WRN: variants seen among roughly 807,000 people sequenced by gnomAD.
The protein encoded by WRN is bifunctional 3'-5' exonuclease/ATP-dependent helicase WRN.
In WRN, 149 loss-of-function variants were observed where a neutral mutation model predicts 180.7. The ratio of observed to expected loss-of-function variants is 0.82; its 90% CI spans 0.72 to 0.94. The LOEUF (loss-of-function observed/expected upper bound fraction) is 0.94. Among genes scored for constraint, WRN ranks in the 40% least tolerant of loss-of-function variants. The probability of loss-of-function intolerance (pLI) is 0.00; values close to 1 mark genes in which losing one functional copy is unlikely to be tolerated. For synonymous variants in WRN, 548 were observed against 568.9 expected, an observed-to-expected ratio of 0.96 and a Z score of 0.52; for missense variants, 1,661 against 1,700.1, an observed-to-expected ratio of 0.98 and a Z score of 0.40.
At chr8:31,096,631 C>A in intron 16 of WRN, 137 bp from the exon 17 acceptor site, 1 of 711,658 alleles carries the variant, frequency 1.4e-6, no homozygotes, top group Non-Finnish European at 2.3e-6. Flanking sequence ...ATTTTCGTGA[C>A]ATAAAGTATT....
At position 31,059,182 on chromosome 8, in the gene WRN, TG is replaced by T; in HGVS notation, c.127del (p.Asp43ThrfsTer5). On this transcript the variant is annotated frameshift_variant, in exon 3 of 35. Transcript: ENST00000298139. LOFTEE classifies it high-confidence loss of function. ...ACVRKSVFED[D>X]LPFLEFTGSI... ...GTGTTCGGAAGAGTGTTTTTGAAGA[TG>T]ACCTCCCCTTCTTAGAATTCACTGG... 1 of 1,613,808 alleles carries T rather than the reference TG, an allele frequency of 6.2e-7. No homozygotes were observed. The highest frequency in any genetic ancestry group is 8.5e-7 in the Non-Finnish European group (1 of 1,179,804).
intron 21 of WRN, among the ~76,000 whole-genome samples, chr8:31,123,027 C>T (rs1801785754): frequency 6.6e-6 from 1 of 151,930 alleles, no homozygotes; most frequent in Admixed American, 6.6e-5. Context: ...TTACTCACAA[C>T]CACGTCCAAA....
chr8:31,071,564 T>G (rs1378400304), intron 7 of WRN, among the ~76,000 whole-genome samples: 1 of 152,124 alleles, frequency 6.6e-6, no homozygotes, highest in African/African-American at 2.4e-5. Context: ...TTACCGCAGC[T>G]TCCACCTCCT....
chr8:31,124,703 A>G, intron 22 of WRN, 80 bp downstream of exon 22: 1 of 1,404,804 alleles, frequency 7.1e-7, no homozygotes, highest in African/African-American at 1.4e-5. Context: ...CTAAATAATT[A>G]TCAGTATTTT....
At position 31,141,608 on chromosome 8, in the gene WRN, G is replaced by T; in HGVS notation, c.3138+8G>T. On this transcript the variant is annotated splice_region_variant and intron_variant, in intron 25 of 34. Transcript: ENST00000298139. Reference sequence around the variant, plus strand: ...TGCGCCCTTACGAAAAAGGTAAACGGTGTAGGAGTCTGCCTGTTTGACTTA... The same window carrying T: ...TGCGCCCTTACGAAAAAGGTAAACGTTGTAGGAGTCTGCCTGTTTGACTTA... 1 of 1,614,074 alleles carries T rather than the reference G, an allele frequency of 6.2e-7. No homozygotes were observed. Among genetic ancestry groups the T allele is most frequent in the Non-Finnish European group, 8.5e-7 (1 of 1,180,004 alleles).
intron 26 of WRN, among the ~76,000 whole-genome samples, chr8:31,141,976 G>A (rs1355327260): frequency 6.6e-6 from 1 of 151,952 alleles, no homozygotes; most frequent in African/African-American, 2.4e-5. Context: ...AAGAGACAGA[G>A]TCTCTCTGTG....
At chr8:31,164,563 G>A (rs1354922202) in intron 33 of WRN, among the ~76,000 whole-genome samples, 1 of 152,144 alleles carries the variant, frequency 6.6e-6, no homozygotes, top group African/African-American at 2.4e-5. Context: ...CATATTTAAA[G>A]GAGCTTTGTA....
intron 5 of WRN, among the ~76,000 whole-genome samples, chr8:31,066,138 A>G (rs1650201944): frequency 6.6e-6 from 1 of 152,018 alleles, no homozygotes; most frequent in Admixed American, 6.6e-5. Context: ...TCGGCCTCCC[A>G]AAGTGCTGAG....
chr8:31,120,213 T>C (rs749033014), intron 20 of WRN, 30 bp from the exon 21 acceptor site: 6 of 1,611,628 alleles, frequency 3.7e-6, no homozygotes, highest in Non-Finnish European at 5.1e-6. Context: ...CTAAATATGT[T>C]TGTCAAACTG....
intron 24 of WRN, among the ~76,000 whole-genome samples, chr8:31,136,509 T>A (rs1326757043): frequency 5.3e-5 from 8 of 152,282 alleles, no homozygotes; most frequent in Non-Finnish European, 7.3e-5. Flanking sequence ...TCTTTTCTAT[T>A]TATTGTGCTG....
chr8:31,109,214 G>T (rs1362565241), intron 18 of WRN, among the ~76,000 whole-genome samples: 1 of 152,182 alleles, frequency 6.6e-6, no homozygotes, highest in African/African-American at 2.4e-5. Flanking sequence ...CAGGGGCTCA[G>T]AGGCTGTGAC....
At chr8:31,082,965 G>A (rs1197289592) in intron 9 of WRN, among the ~76,000 whole-genome samples, 2 of 151,908 alleles carry the variant, frequency 1.3e-5, no homozygotes, top group Non-Finnish European at 2.9e-5. Context: ...TTTTTTCCTA[G>A]TACAAAGCTT....
chr8:31,161,111 A>G (rs984598139), intron 33 of WRN, among the ~76,000 whole-genome samples: 7 of 151,638 alleles, frequency 4.6e-5, no homozygotes, highest in African/African-American at 1.5e-4. Context: ...TGGTCTAGTC[A>G]GTAAGAGCAA....
intron 7 of WRN, among the ~76,000 whole-genome samples, chr8:31,069,397 A>T (rs557567358): frequency 2.6e-5 from 4 of 152,230 alleles, no homozygotes; most frequent in Admixed American, 1.3e-4. Context: ...TGTAACTTAG[A>T]GTCAGTCTCC....
intron 23 of WRN, among the ~76,000 whole-genome samples, chr8:31,130,242 C>G (rs970038819): frequency 9.2e-5 from 14 of 151,960 alleles, no homozygotes; most frequent in Admixed American, 9.2e-4. Flanking sequence ...GCTTGAAATA[C>G]TCATAATAGA....
intron 1 of WRN, among the ~76,000 whole-genome samples, chr8:31,038,891 A>G (rs1399510345): frequency 1.3e-5 from 2 of 152,186 alleles, no homozygotes; most frequent in Admixed American, 1.3e-4. Flanking sequence ...TGGTAAATGT[A>G]TGGATTTACT....
chr8:31,094,087 A>T (rs1813862244), intron 16 of WRN, among the ~76,000 whole-genome samples: 2 of 152,316 alleles, frequency 1.3e-5, no homozygotes, highest in South Asian at 4.1e-4. Flanking sequence ...TTGTATGGAC[A>T]TATGTTTTCA....
In WRN at chr8:31,174,260, G is replaced by T. The variant is rs1804200250; in HGVS notation, c.*1158G>T. On this transcript the variant is annotated 3_prime_UTR_variant, in exon 35 of 35. Coordinates refer to ENST00000298139, the MANE Select transcript of WRN (RefSeq NM_000553.6). The stretch of plus-strand genomic sequence containing the variant: ...GGCTTCTGCATTTGCATGCTTTTGT[G>T]TGTGCATCTGCAATACCCTGTGAAT... Among the ~76,000 whole-genome samples, 2 of 152,208 alleles carry T rather than the reference G, an allele frequency of 1.3e-5. No individual in the cohort carries two copies. Among genetic ancestry groups the T allele is most frequent in the Admixed American group, 1.3e-4 (2 of 15,278 alleles).
chr8:31,053,508 G>A (rs771628826), intron 1 of WRN, among the ~76,000 whole-genome samples: 4 of 152,118 alleles, frequency 2.6e-5, no homozygotes, highest in Admixed American at 6.6e-5. Flanking sequence ...TGATTATGTG[G>A]ACAGTCCAAA....
Sources: gnomAD v4.1 joint callset for allele counts (sites outside exome capture counted in the v4.1 genomes callset) on GRCh38, gnomAD v4.1.1 for gene constraint, MANE v1.5 for transcripts, NCBI Gene and HGNC (gene_info 2026-07-23, HGNC 2026-07-21) for gene names.